The following TET3 variants were observed in gnomAD, a reference collection of about 807,000 sequenced individuals.
TET3 encodes tet methylcytosine dioxygenase 3.
TET3 carries 19 observed loss-of-function variants against 141.4 expected under a neutral mutation model. The ratio of observed to expected loss-of-function variants is 0.13; its 90% CI spans 0.09 to 0.20. The LOEUF (loss-of-function observed/expected upper bound fraction) is 0.20. TET3 is among the 10% of genes least tolerant of loss of function. TET3 has a pLI of 1.00. For missense variants in TET3, 1,874 were observed against 2,356.9 expected (o/e 0.80, Z 4.24); for synonymous variants, 1,043 against 980.9 (o/e 1.06, Z -1.18).
chr2:74,016,053 T>G (rs986545283), intron 3 of TET3, among the ~76,000 whole-genome samples: 1 of 152,084 alleles, frequency 6.6e-6, no homozygotes, highest in African/African-American at 2.4e-5. Context: ...TTAAGATATA[T>G]TATCAATATT....
downstream of TET3, among the ~76,000 whole-genome samples, chr2:74,110,051 G>A (rs1468901767): frequency 6.6e-6 from 1 of 152,118 alleles, no homozygotes; most frequent in Non-Finnish European, 1.5e-5. Flanking sequence ...AAGTGAAAGT[G>A]CCAGGCATTC....
chr2:74,003,040 T>C, intron 2 of TET3, 70 bp from the exon 3 acceptor site: 1 of 1,519,876 alleles, frequency 6.6e-7, no homozygotes, highest in Non-Finnish European at 8.9e-7. Flanking sequence ...GGCTGGGGGC[T>C]GTAGCAGGAG....
the TET3 span, among the ~76,000 whole-genome samples, chr2:74,133,711 T>G: frequency 1.3e-5 from 2 of 152,238 alleles, no homozygotes; most frequent in East Asian, 3.8e-4. Context: ...TGATGTATTC[T>G]CTGAAACTGC....
Position 74,047,630 on chromosome 2 carries a change from A to G in TET3, c.1713A>G (p.Pro571=). 1 of 1,613,614 alleles carries G rather than the reference A, an allele frequency of 6.2e-7. No individual in the cohort carries two copies. The highest frequency in any genetic ancestry group is 8.5e-7 in the Non-Finnish European group (1 of 1,179,738). ...CAAGTTCACCTGTCCCACGGCTTCC[A>G]GACAGACCACCCAAGGAGAAGAAGA... ...PPPSSPVPRL[P]DRPPKEKKKK... is the part of the protein sequence containing the mutation. Residue 571 remains proline (P), a synonymous_variant, in exon 4 of 12, where the codon CCA becomes CCG. Transcript: ENST00000409262.
In TET3 at chr2:74,044,034, G is replaced by A. The variant is rs143526443; in HGVS notation, c.361-2244G>A. 3.0e-3 allele frequency among the ~76,000 whole-genome samples: 464 copies of A among 152,228 alleles called. 1 individual carries two copies. The highest frequency in any genetic ancestry group is 0.01 in the African/African-American group (422 of 41,540). ...TAAAAATAAAATAAATTAGCTGGGC[G>A]TGGTACATGCATCAAGTCCTAGCTA... On this transcript the variant is annotated intron_variant, in intron 3 of 11. Coordinates refer to ENST00000409262, the MANE Select transcript of TET3 (RefSeq NM_001287491.2).
At chr2:74,037,639 C>A (rs57078518) in intron 3 of TET3, among the ~76,000 whole-genome samples, 1,920 of 152,276 alleles carry the variant, frequency 0.013, 39 homozygotes, top group African/African-American at 0.043. Context: ...TGACTACAGG[C>A]TAGTTCATTC....
chr2:74,117,784 C>G, the TET3 span, among the ~76,000 whole-genome samples: 4,982 of 152,112 alleles, frequency 0.033, 294 homozygotes, highest in African/African-American at 0.11. Flanking sequence ...CATGCCCTGT[C>G]GCCCAGGCTG....
At chr2:74,015,883 A>AT (rs925158523) in intron 3 of TET3, among the ~76,000 whole-genome samples, 14 of 152,132 alleles carry the variant, frequency 9.2e-5, no homozygotes, top group Non-Finnish European at 1.9e-4. Context: ...AAAATATCTC[A>AT]TTTTAATATC....
chr2:74,011,404 C>A (rs1685427670), intron 3 of TET3, among the ~76,000 whole-genome samples: 1 of 152,196 alleles, frequency 6.6e-6, no homozygotes, highest in Non-Finnish European at 1.5e-5. Flanking sequence ...GGCATTTGGA[C>A]AAAGGTCAGG....
At chr2:74,023,848 A>G (rs1220586607) in intron 3 of TET3, among the ~76,000 whole-genome samples, 1 of 151,956 alleles carries the variant, frequency 6.6e-6, no homozygotes, top group African/African-American at 2.4e-5. Flanking sequence ...CAGTCTTGTC[A>G]GAGGTTTGTT....
chr2:73,996,243 G>A (rs1417371126), intron 2 of TET3, among the ~76,000 whole-genome samples: 3 of 152,272 alleles, frequency 2.0e-5, no homozygotes, highest in South Asian at 2.1e-4. Flanking sequence ...CCTTCACTCC[G>A]TTACAGCTCC....
chr2:73,994,908 A>T lies in TET3; in HGVS notation c.303+8202A>T, dbSNP rs1429953279. Among the ~76,000 whole-genome samples, 6 of 151,352 alleles carry T rather than the reference A, an allele frequency of 4.0e-5. No homozygotes were observed. In the East Asian group the frequency reaches 5.8e-4, roughly 15 times the overall value. The stretch of plus-strand genomic sequence containing the variant: ...CGCCTTAGCCTCCCAAAGCACTGGG[A>T]TTACAGGCATGAGCCACTGTCCTGG... On this transcript the variant is annotated intron_variant, in intron 2 of 11. Transcript: ENST00000409262.
chr2:74,082,576 T>TA (rs1461277878), intron 6 of TET3, among the ~76,000 whole-genome samples: 3 of 151,530 alleles, frequency 2.0e-5, no homozygotes, highest in Non-Finnish European at 2.9e-5. Context: ...TACTTTTTTT[T>TA]ATGGGAGGAG....
Position 74,100,492 on chromosome 2 carries a change from C to G in TET3, c.3704C>G (p.Ala1235Gly). ...HFSSFKYSGN[A>G]VVESYSVLGN... ...AGCTCCTTCAAGTACAGCGGCAACG[C>G]GGTGGTGGAGAGCTACTCGGTGCTG... The change falls in exon 12 of 12, where the codon GCG (alanine) becomes GGG (glycine). Residue 1235 changes from alanine to glycine, a missense_variant. Around this residue, in one of 10 missense-constraint regions of TET3, gnomAD observed 602 missense variants for 590.2 expected, o/e 1.02. Transcript: ENST00000409262. 1 of 1,601,794 alleles carries G rather than the reference C, an allele frequency of 6.2e-7. No individual in the cohort carries two copies. Among genetic ancestry groups the G allele is most frequent in the Non-Finnish European group, 8.5e-7 (1 of 1,174,352 alleles).
intron 3 of TET3, among the ~76,000 whole-genome samples, chr2:74,034,987 C>G (rs1344695858): frequency 6.9e-6 from 1 of 145,414 alleles, no homozygotes; most frequent in East Asian, 2.0e-4. Flanking sequence ...GTCAGTAGAC[C>G]AAGACCATCC....
intron 3 of TET3, among the ~76,000 whole-genome samples, chr2:74,041,349 C>G (rs926626095): frequency 2.6e-5 from 4 of 152,120 alleles, no homozygotes; most frequent in Non-Finnish European, 4.4e-5. Flanking sequence ...GGAGCTGTTC[C>G]TCTTGTGGTT....
rs1034900767 is a variant in TET3, at chr2:74,107,064, C to G, written c.*4888C>G. 10 of 152,400 alleles carry G rather than the reference C, an allele frequency of 6.6e-5. No homozygotes were observed. Among genetic ancestry groups the G allele is most frequent in the Admixed American group, 5.2e-4 (8 of 15,312 alleles). The allele number at this position is 152,400 out of a possible 1,614,324, so 9.4% of individuals were successfully genotyped here. A position where few individuals can be genotyped will look rare whatever the true frequency, so the allele number is the denominator to read the frequency against. ...TAGTTTTATTAGCCAGCTGCCTCTG[C>G]TGTAGTACATGGCCAACTTCAACAT... On this transcript the variant is annotated 3_prime_UTR_variant, in exon 12 of 12. Coordinates refer to ENST00000409262, the MANE Select transcript of TET3 (RefSeq NM_001287491.2).
In TET3 at chr2:74,087,807, C is replaced by T. The variant is rs766860578; in HGVS notation, c.2680-23C>T. On this transcript the variant is annotated intron_variant, in intron 6 of 11. Coordinates refer to ENST00000409262, the MANE Select transcript of TET3 (RefSeq NM_001287491.2). The surrounding 1 kb of genome is among the most constrained non-coding windows in gnomAD (Gnocchi z 4.3). ...GGAGCACGGGTACCTGGCTCCTGCC[C>T]CTCACACCCTGCGTCCCTGCAGGTG... is the stretch of plus-strand genomic sequence containing the variant. The T allele has an allele frequency of 2.0e-6, 3 of 1,535,412 alleles. No individual in the cohort carries two copies. Among genetic ancestry groups the T allele is most frequent in the Non-Finnish European group, 1.8e-6 (2 of 1,136,984 alleles).
chr2:74,027,777 G>A (rs1252458181), intron 3 of TET3, among the ~76,000 whole-genome samples: 5 of 152,136 alleles, frequency 3.3e-5, no homozygotes, highest in Admixed American at 2.6e-4. Flanking sequence ...CACTGGACAT[G>A]TAGGTTATTT....
Sources: allele counts gnomAD v4.1 joint callset (sites outside exome capture counted in the v4.1 genomes callset), GRCh38; gene constraint gnomAD v4.1.1; regional missense constraint gnomAD v4.1.1; non-coding constraint Gnocchi (gnomAD v3.1); transcripts MANE v1.5; gene names NCBI Gene and HGNC (gene_info 2026-07-23, HGNC 2026-07-21).